GPHN: variants seen among roughly 807,000 people sequenced by gnomAD.
GPHN encodes gephyrin.
In GPHN, 17 loss-of-function variants were observed where a neutral mutation model predicts 95.5. The observed-to-expected ratio is 0.18, with a 90% CI of 0.12 to 0.27. The LOEUF (loss-of-function observed/expected upper bound fraction) is 0.27. Among genes scored for constraint, GPHN ranks in the 10% least tolerant of loss-of-function variants. The probability of loss-of-function intolerance (pLI) is 1.00; values close to 1 mark genes in which losing one functional copy is unlikely to be tolerated. For missense variants in GPHN, 660 were observed against 978.1 expected, an observed-to-expected ratio of 0.67 and a Z score of 4.34; for synonymous variants, 320 against 322.5, an observed-to-expected ratio of 0.99 and a Z score of 0.08.
At chr14:66,969,573 G>A (rs2153590486) in intron 9 of GPHN, 1 of 152,442 alleles carries the variant, frequency 6.6e-6, no homozygotes, top group South Asian at 2.1e-4. Flanking sequence ...GCTAAGGCCA[G>A]TGGATTGCTT....
chr14:67,358,465 C>T, the GPHN span, among the ~76,000 whole-genome samples: 62 of 152,236 alleles, frequency 4.1e-4, no homozygotes, highest in Middle Eastern at 3.4e-3. Flanking sequence ...CAACAAAACA[C>T]CCCCACAGAG....
At chr14:66,620,200 C>T (rs940082252) in intron 1 of GPHN, among the ~76,000 whole-genome samples, 4 of 152,134 alleles carry the variant, frequency 2.6e-5, no homozygotes, top group African/African-American at 9.7e-5. Flanking sequence ...TGTGCCTCTA[C>T]TCAAAAGGCA....
intron 1 of GPHN, among the ~76,000 whole-genome samples, chr14:66,517,216 G>A (rs939539458): frequency 2.0e-5 from 3 of 151,096 alleles, no homozygotes. Flanking sequence ...ACATTTACAC[G>A]GTGGTGCCCC....
chr14:67,682,798 A>G, the GPHN span, among the ~76,000 whole-genome samples: 1 of 152,254 alleles, frequency 6.6e-6, no homozygotes, highest in Non-Finnish European at 1.5e-5. Context: ...TCACAGCAGT[A>G]TTATTCAAAT....
the GPHN span, among the ~76,000 whole-genome samples, chr14:67,712,493 CAAAAAAAAAAAAA>C: frequency 1.7e-3 from 68 of 38,934 alleles, 2 homozygotes; most frequent in Non-Finnish European, 2.9e-3. Context: ...AAAAAACTTG[CAAAAAAAAAAAAA>C]AAAAAAAAAA....
intron 4 of GPHN, among the ~76,000 whole-genome samples, chr14:66,863,581 A>G (rs1369768677): frequency 6.6e-6 from 1 of 152,162 alleles, no homozygotes; most frequent in African/African-American, 2.4e-5. Flanking sequence ...TTATAGAGCT[A>G]TAGTAGCTAA....
intron 16 of GPHN, 146 bp downstream of exon 16, chr14:67,113,317 T>C (rs1005185827): frequency 2.4e-5 from 19 of 797,650 alleles, no homozygotes; most frequent in Non-Finnish European, 3.4e-5. Context: ...AACAATAAAT[T>C]GGCTTTAGGA....
At chr14:67,722,505 G>A in the GPHN span, 1 of 796,560 alleles carries the variant, frequency 1.3e-6, no homozygotes, top group Non-Finnish European at 2.3e-6. Flanking sequence ...TCAGGCTGCT[G>A]CTCAGCACCC....
At chr14:66,723,963 C>T (rs1362976776) in intron 2 of GPHN, among the ~76,000 whole-genome samples, 1 of 148,146 alleles carries the variant, frequency 6.8e-6, no homozygotes, top group Non-Finnish European at 1.5e-5. Context: ...AGAAAAATAT[C>T]ACAAATCTAT....
the GPHN span, among the ~76,000 whole-genome samples, chr14:67,683,613 G>A: frequency 6.6e-6 from 1 of 152,214 alleles, no homozygotes; most frequent in South Asian, 2.1e-4. Flanking sequence ...CTAATCAAAA[G>A]AGTAAAAATG....
At chr14:66,637,813 T>C (rs1386568127) in intron 1 of GPHN, among the ~76,000 whole-genome samples, 1 of 152,156 alleles carries the variant, frequency 6.6e-6, no homozygotes, top group Non-Finnish European at 1.5e-5. Context: ...TGTTTGTTGC[T>C]CTCTGACAAA....
At chr14:66,892,692 A>G (rs2064580639) in intron 5 of GPHN, among the ~76,000 whole-genome samples, 1 of 152,220 alleles carries the variant, frequency 6.6e-6, no homozygotes, top group South Asian at 2.1e-4. Context: ...GATTCCACTT[A>G]CATGAAGTAT....
chr14:66,575,915 G>A (rs1042879182), intron 1 of GPHN, among the ~76,000 whole-genome samples: 1 of 152,152 alleles, frequency 6.6e-6, no homozygotes, highest in Admixed American at 6.5e-5. Flanking sequence ...CACTGGGGCA[G>A]GCCTGGAACT....
rs574897723 is a variant in GPHN at position 67,036,570 on chromosome 14, A to G, written c.1006+12895A>G. 2.8e-5 allele frequency among the ~76,000 whole-genome samples: 4 copies of G among 143,924 alleles called. No individual in the cohort carries two copies. In the South Asian group the frequency reaches 8.7e-4, roughly 31 times the overall value. The allele number at this position is 143,924 out of a possible 152,430, so 94.4% of individuals were successfully genotyped here. On this transcript the variant is annotated intron_variant, in intron 10 of 22. Coordinates refer to ENST00000478722, the MANE Select transcript of GPHN (RefSeq NM_020806.5). ...AAACACTAACTGTTAAAGCTAATACAAGAAGCCAGTAAAATTGCAGGGGTA... is the reference window on the plus strand; with the variant it reads ...AAACACTAACTGTTAAAGCTAATACGAGAAGCCAGTAAAATTGCAGGGGTA...
the GPHN span, among the ~76,000 whole-genome samples, chr14:67,375,381 G>A: frequency 1.8e-4 from 27 of 151,988 alleles, no homozygotes; most frequent in African/African-American, 5.1e-4. Flanking sequence ...TCTGCCTCCC[G>A]GAATGTTTGA....
At chr14:66,684,963 T>C (rs1019373244) in intron 2 of GPHN, among the ~76,000 whole-genome samples, 2 of 152,162 alleles carry the variant, frequency 1.3e-5, no homozygotes, top group Non-Finnish European at 2.9e-5. Flanking sequence ...AGTGTTCTCA[T>C]TGTTCAATTC....
chr14:67,127,687 T>G (rs1010251444), intron 17 of GPHN, among the ~76,000 whole-genome samples: 16 of 152,262 alleles, frequency 1.1e-4, no homozygotes, highest in Non-Finnish European at 2.2e-4. Flanking sequence ...CTATGAATTT[T>G]AAGCCAAAGG....
the GPHN span, among the ~76,000 whole-genome samples, chr14:67,606,844 C>A: frequency 6.6e-6 from 1 of 152,142 alleles, no homozygotes; most frequent in African/African-American, 2.4e-5. Context: ...GATGGAGTTT[C>A]ACCATCTTTG....
At chr14:66,927,763 G>A (rs977255892) in intron 8 of GPHN, among the ~76,000 whole-genome samples, 3 of 151,838 alleles carry the variant, frequency 2.0e-5, no homozygotes, top group African/African-American at 7.3e-5. Flanking sequence ...ATTGAATTTC[G>A]TCAAATGCTT....
Sources: gnomAD v4.1 joint callset for allele counts (sites outside exome capture counted in the v4.1 genomes callset) on GRCh38, gnomAD v4.1.1 for gene constraint, MANE v1.5 for transcripts, NCBI Gene and HGNC (gene_info 2026-07-23, HGNC 2026-07-21) for gene names.